The following MBD2 variants were observed in gnomAD, a reference collection of about 807,000 sequenced individuals.
MBD2 encodes methyl-CpG binding domain protein 2.
MBD2 carries 9 observed loss-of-function variants against 39.3 expected under a neutral mutation model. The ratio of observed to expected loss-of-function variants is 0.23; its 90% confidence interval spans 0.14 to 0.40. MBD2 has a LOEUF of 0.40. MBD2 is among the 10% of genes least tolerant of loss of function. The probability of loss-of-function intolerance (pLI) is 1.00; values close to 1 mark genes in which losing one functional copy is unlikely to be tolerated. For synonymous variants in MBD2, 233 were observed against 211.1 expected, an observed-to-expected ratio of 1.10 and a Z score of -0.90; for missense variants, 458 against 532.6, an observed-to-expected ratio of 0.86 and a Z score of 1.38.
intron 5 of MBD2, among the ~76,000 whole-genome samples, chr18:54,163,775 A>G (rs992306812): frequency 1.3e-5 from 2 of 151,966 alleles, no homozygotes; most frequent in African/African-American, 4.8e-5. Flanking sequence ...ACCGTGTCAC[A>G]AGTAAGTTTA....
chr18:54,206,838 C>A (rs907125242), intron 1 of MBD2, among the ~76,000 whole-genome samples: 2 of 152,198 alleles, frequency 1.3e-5, no homozygotes, highest in Non-Finnish European at 2.9e-5. Context: ...CAACTCTAAC[C>A]TAGACTTCCA....
chr18:54,175,967 GA>G (rs562149324), intron 3 of MBD2, among the ~76,000 whole-genome samples: 7 of 152,036 alleles, frequency 4.6e-5, no homozygotes, highest in Non-Finnish European at 1.0e-4. Context: ...TTTTTCTAAT[GA>G]AAAAAATTTA....
At chr18:54,181,286 G>A (rs2086250431) in intron 3 of MBD2, among the ~76,000 whole-genome samples, 2 of 152,056 alleles carry the variant, frequency 1.3e-5, no homozygotes, top group South Asian at 4.1e-4. Flanking sequence ...ACTCTCTTGG[G>A]CTCTAGCCCA....
At chr18:54,179,008 C>T (rs1367404237) in intron 3 of MBD2, among the ~76,000 whole-genome samples, 2 of 151,978 alleles carry the variant, frequency 1.3e-5, no homozygotes, top group Non-Finnish European at 2.9e-5. Flanking sequence ...AGTGAGACCC[C>T]ATCCCTACAA....
chr18:54,194,383 C>T (rs968430093), intron 2 of MBD2, among the ~76,000 whole-genome samples: 9 of 151,922 alleles, frequency 5.9e-5, no homozygotes, highest in African/African-American at 2.2e-4. Flanking sequence ...TTATTTTAAA[C>T]CTGATAATCT....
rs578205473 is a variant in MBD2 at position 54,194,591 on chromosome 18, T to A, written c.703-5580A>T. On this transcript the variant is annotated intron_variant, in intron 2 of 6. Coordinates refer to ENST00000256429, the MANE Select transcript of MBD2 (RefSeq NM_003927.5). ...TATATATGTAGCTTAATGAAAAAAA[T>A]TTTTTAAATAATTTTATGTTCTCAA... is the stretch of plus-strand genomic sequence containing the variant. Among the ~76,000 whole-genome samples, 73 of 150,276 alleles carry A rather than the reference T, an allele frequency of 4.9e-4. 1 individual carries two copies. Among genetic ancestry groups the A allele is most frequent in the East Asian group, 1.7e-3 (9 of 5,192 alleles).
At chr18:54,178,382 A>C (rs989983940) in intron 3 of MBD2, among the ~76,000 whole-genome samples, 1 of 152,236 alleles carries the variant, frequency 6.6e-6, no homozygotes, top group Non-Finnish European at 1.5e-5. Context: ...CATATCTGTA[A>C]AACAATAAAT....
At chr18:54,215,923 T>C (rs765890327) in intron 1 of MBD2, among the ~76,000 whole-genome samples, 5 of 151,950 alleles carry the variant, frequency 3.3e-5, no homozygotes, top group African/African-American at 4.8e-5. Context: ...TGCCTCAGCC[T>C]CCTGAATACC....
chr18:54,166,677 T>C (rs1457695938), intron 3 of MBD2, among the ~76,000 whole-genome samples: 1 of 152,226 alleles, frequency 6.6e-6, no homozygotes, highest in Non-Finnish European at 1.5e-5. Flanking sequence ...AAAAGTTTTC[T>C]AAAATGTTTT....
chr18:54,220,646 G>A (rs1009710903), intron 1 of MBD2, among the ~76,000 whole-genome samples: 7 of 152,208 alleles, frequency 4.6e-5, no homozygotes, highest in Non-Finnish European at 1.0e-4. Flanking sequence ...ACCAACAGGA[G>A]AATTAACTCT....
At chr18:54,166,836 G>C (rs1480717270) in intron 3 of MBD2, among the ~76,000 whole-genome samples, 2 of 152,180 alleles carry the variant, frequency 1.3e-5, no homozygotes, top group Admixed American at 6.5e-5. Flanking sequence ...TCGTGCCCTA[G>C]GGGCTATGGA....
intron 3 of MBD2, among the ~76,000 whole-genome samples, chr18:54,184,276 T>C (rs923325528): frequency 7.2e-5 from 11 of 152,118 alleles, no homozygotes; most frequent in Non-Finnish European, 1.3e-4. Context: ...CTCCACCTCC[T>C]GCCCAATCAG....
Position 54,164,614 on chromosome 18 carries a change from C to T in MBD2, c.1018G>A (p.Val340Ile), listed in dbSNP as rs775615272. The T allele has an allele frequency of 6.2e-7, 1 of 1,614,180 alleles. No individual in the cohort carries two copies. Among genetic ancestry groups the T allele is most frequent in the Non-Finnish European group, 8.5e-7 (1 of 1,180,028 alleles). The change falls in exon 5 of 7, where the codon GTC (valine) becomes ATC (isoleucine). Residue 340 changes from valine (V) to isoleucine (I), a missense_variant. By Grantham distance (29) the Val-to-Ile change is conservative. This residue lies in a region of MBD2 where 189 missense variants were observed against 296.6 expected (regional missense o/e 0.64). Coordinates refer to ENST00000256429, the MANE Select transcript of MBD2 (RefSeq NM_003927.5). The part of the protein sequence containing the change: ...HTSSAPITGQ[V>I]SAAVEKNPAV... ...GGGTTCTTTTCCACAGCAGCGGAGA[C>T]TTGCCCTGTGATTGGCGCAGAGCTT...
intron 2 of MBD2, among the ~76,000 whole-genome samples, chr18:54,189,644 C>G (rs1000233014): frequency 6.6e-6 from 1 of 152,032 alleles, no homozygotes; most frequent in Non-Finnish European, 1.5e-5. Context: ...AAAAAAAGAA[C>G]TTGGGGTTTT....
At chr18:54,216,097 G>A (rs919118979) in intron 1 of MBD2, among the ~76,000 whole-genome samples, 8 of 152,180 alleles carry the variant, frequency 5.3e-5, no homozygotes, top group Admixed American at 4.6e-4. Context: ...GTGAGCCACC[G>A]CATCCAGCCC....
chr18:54,218,555 C>CAA (rs2086581528), intron 1 of MBD2, among the ~76,000 whole-genome samples: 3 of 152,222 alleles, frequency 2.0e-5, no homozygotes, highest in Non-Finnish European at 2.9e-5. Context: ...CCACCAGCTT[C>CAA]AGGTTGTATC....
At chr18:54,205,941 G>T (rs1253909583) in intron 1 of MBD2, among the ~76,000 whole-genome samples, 1 of 149,130 alleles carries the variant, frequency 6.7e-6, no homozygotes, top group Non-Finnish European at 1.5e-5. Flanking sequence ...AGCAACCCTT[G>T]TTTAAAACAC....
intron 3 of MBD2, among the ~76,000 whole-genome samples, chr18:54,185,124 T>A (rs1402230902): frequency 6.6e-6 from 1 of 152,214 alleles, no homozygotes; most frequent in Non-Finnish European, 1.5e-5. Context: ...GACTTTAAAC[T>A]GCACATTTAC....
At chr18:54,175,915 A>C (rs1223126000) in intron 3 of MBD2, among the ~76,000 whole-genome samples, 2 of 152,242 alleles carry the variant, frequency 1.3e-5, no homozygotes, top group African/African-American at 4.8e-5. Context: ...AAAATGTCTA[A>C]CATTAATTGT....
Sources: gnomAD v4.1 joint callset for allele counts (sites outside exome capture counted in the v4.1 genomes callset) on GRCh38, gnomAD v4.1.1 for gene constraint, gnomAD v4.1.1 regional missense constraint, MANE v1.5 for transcripts, NCBI Gene and HGNC (gene_info 2026-07-23, HGNC 2026-07-21) for gene names.